The following DLGAP1 variants were observed in gnomAD, a reference collection of about 807,000 sequenced individuals.
DLGAP1 encodes disks large-associated protein 1.
A neutral mutation model predicts 90.8 loss-of-function variants in DLGAP1; 11 were observed. The observed-to-expected ratio is 0.12, with a 90% confidence interval of 0.08 to 0.20. The LOEUF (loss-of-function observed/expected upper bound fraction) is 0.20, where lower values mean the gene tolerates loss of function less well. Ranked by LOEUF, DLGAP1 falls within the 10% of genes least tolerant of loss-of-function variation. The pLI is 1.00. For missense variants in DLGAP1, 1,050 were observed against 1,333.8 expected, an observed-to-expected ratio of 0.79 and a Z score of 3.31; for synonymous variants, 558 against 540.7, an observed-to-expected ratio of 1.03 and a Z score of -0.44.
intron 3 of DLGAP1, among the ~76,000 whole-genome samples, chr18:3,939,740 G>A (rs2072729523): frequency 6.6e-6 from 1 of 152,024 alleles, no homozygotes; most frequent in Non-Finnish European, 1.5e-5. Context: ...TGAGATAAAA[G>A]GAATAATAAT....
At chr18:3,558,079 A>G (rs1350542935) in intron 9 of DLGAP1, among the ~76,000 whole-genome samples, 2 of 152,192 alleles carry the variant, frequency 1.3e-5, no homozygotes. Context: ...TTAGCTGTTC[A>G]GTAGTGTTGT....
At position 3,729,401 on chromosome 18, in the gene DLGAP1, C is replaced by G. The variant is rs781480116; in HGVS notation, c.1351-26G>C. 7 of 1,594,650 alleles carry G rather than the reference C, an allele frequency of 4.4e-6. No homozygotes were observed. The highest frequency in any genetic ancestry group is 3.4e-5 in the Admixed American group (2 of 59,420). On this transcript the variant is annotated intron_variant, in intron 6 of 12. Transcript: ENST00000315677. The surrounding 1 kb of genome is among the most constrained non-coding windows in gnomAD (Gnocchi z 6.2). ...CTGCGGGCAGACACAGGCGTTGTGA[C>G]ACTCGCCTCCACCTGGTGGAGGATC...
intron 3 of DLGAP1, among the ~76,000 whole-genome samples, chr18:3,935,760 T>C (rs906304694): frequency 2.0e-5 from 3 of 152,216 alleles, no homozygotes; most frequent in Non-Finnish European, 2.9e-5. Context: ...ATGGGGACTG[T>C]CATGATCAGA....
intron 5 of DLGAP1, among the ~76,000 whole-genome samples, chr18:3,785,142 G>T (rs1185706156): frequency 2.0e-5 from 3 of 152,210 alleles, no homozygotes; most frequent in African/African-American, 7.2e-5. Flanking sequence ...TGAAGAACAG[G>T]CTGTATTAGT....
At chr18:3,648,690 G>A (rs554682312) in intron 7 of DLGAP1, among the ~76,000 whole-genome samples, 2 of 152,162 alleles carry the variant, frequency 1.3e-5, no homozygotes, top group Non-Finnish European at 2.9e-5. Context: ...TAATAGAGTT[G>A]CTTGTTCTTT....
intron 1 of DLGAP1, among the ~76,000 whole-genome samples, chr18:4,374,589 TCA>T (rs2081979230): frequency 6.6e-6 from 1 of 152,160 alleles, no homozygotes; most frequent in Non-Finnish European, 1.5e-5. Context: ...TTAAAGATTC[TCA>T]TTTTCTCTTC....
chr18:4,272,989 G>A (rs1264352292), intron 1 of DLGAP1, among the ~76,000 whole-genome samples: 2 of 152,068 alleles, frequency 1.3e-5, no homozygotes, highest in Admixed American at 6.5e-5. Context: ...TGAGAAGCTA[G>A]GATGCATCAA....
chr18:4,181,530 A>G (rs985539380), intron 1 of DLGAP1, among the ~76,000 whole-genome samples: 2 of 152,184 alleles, frequency 1.3e-5, no homozygotes, highest in Non-Finnish European at 2.9e-5. Context: ...AAGCACTACT[A>G]TCTTGGTTGA....
intron 4 of DLGAP1, among the ~76,000 whole-genome samples, chr18:3,838,380 A>G (rs914457679): frequency 1.3e-5 from 2 of 152,236 alleles, no homozygotes; most frequent in African/African-American, 4.8e-5. Context: ...GCAGTGGTAA[A>G]GCATCGTAAC....
At chr18:3,888,156 A>T (rs2071371176) in intron 3 of DLGAP1, among the ~76,000 whole-genome samples, 1 of 150,908 alleles carries the variant, frequency 6.6e-6, no homozygotes, top group Non-Finnish European at 1.5e-5. Flanking sequence ...AAAACTTAAC[A>T]GAGGTGAGAA....
At chr18:3,911,710 T>C (rs553190001) in intron 3 of DLGAP1, among the ~76,000 whole-genome samples, 1 of 152,326 alleles carries the variant, frequency 6.6e-6, no homozygotes, top group East Asian at 1.9e-4. Context: ...TTGTGAACTA[T>C]TTAGCAGGAA....
At chr18:3,583,416 C>T (rs2055686622) in intron 7 of DLGAP1, among the ~76,000 whole-genome samples, 1 of 151,922 alleles carries the variant, frequency 6.6e-6, no homozygotes, top group African/African-American at 2.4e-5. Flanking sequence ...TCTTCACTTC[C>T]ACCTTGCCTA....
intron 6 of DLGAP1, among the ~76,000 whole-genome samples, chr18:3,733,117 C>T (rs747167514): frequency 3.3e-5 from 5 of 152,156 alleles, no homozygotes; most frequent in Admixed American, 6.5e-5. Context: ...TACCCCTGCC[C>T]ACATATGATT....
intron 2 of DLGAP1, among the ~76,000 whole-genome samples, chr18:4,116,439 C>T (rs1178668827): frequency 6.6e-6 from 1 of 151,376 alleles, no homozygotes; most frequent in African/African-American, 2.4e-5. Context: ...TTTTTTTCTG[C>T]TCCTTTCTCT....
intron 3 of DLGAP1, among the ~76,000 whole-genome samples, chr18:3,946,925 C>T (rs1313578544): frequency 6.6e-6 from 1 of 152,120 alleles, no homozygotes; most frequent in East Asian, 1.9e-4. Flanking sequence ...TTTGAAGATA[C>T]ATTTGTAGGA....
chr18:3,656,094 A>G (rs1373217098), intron 7 of DLGAP1: 1 of 1,547,080 alleles, frequency 6.5e-7, no homozygotes, highest in Non-Finnish European at 8.7e-7. Context: ...CTTCAACTGC[A>G]GAACTCAGTT....
chr18:4,451,293 C>T (rs1218489414), intron 1 of DLGAP1, among the ~76,000 whole-genome samples: 1 of 152,130 alleles, frequency 6.6e-6, no homozygotes, highest in East Asian at 1.9e-4. Flanking sequence ...TATAATCACA[C>T]CTCATTTTTT....
intron 10 of DLGAP1, among the ~76,000 whole-genome samples, chr18:3,509,126 A>G (rs983871044): frequency 1.3e-5 from 2 of 152,070 alleles, no homozygotes; most frequent in Admixed American, 1.3e-4. Flanking sequence ...GCAGTACTAA[A>G]CTAGAGGGGG....
chr18:3,705,914 C>T (rs1054298651), intron 7 of DLGAP1, among the ~76,000 whole-genome samples: 1 of 151,770 alleles, frequency 6.6e-6, no homozygotes, highest in Non-Finnish European at 1.5e-5. Flanking sequence ...CCTGCTTGGC[C>T]TCCCAAAGTG....
Sources: gnomAD v4.1 joint callset for allele counts (sites outside exome capture counted in the v4.1 genomes callset) on GRCh38, gnomAD v4.1.1 for gene constraint, Gnocchi (gnomAD v3.1) non-coding constraint, MANE v1.5 for transcripts, NCBI Gene and HGNC (gene_info 2026-07-23, HGNC 2026-07-21) for gene names.